CAMSAP1: variants seen among roughly 807,000 people sequenced by gnomAD.
CAMSAP1 encodes calmodulin-regulated spectrin-associated protein 1.
Under a neutral mutation model 143.5 loss-of-function variants are expected in CAMSAP1, and 58 were observed. That is an observed-to-expected ratio of 0.40 (90% CI 0.33 to 0.50). The LOEUF is 0.50. Ranked by LOEUF, CAMSAP1 falls within the 20% of genes least tolerant of loss-of-function variation. The pLI is 0.45. For synonymous variants in CAMSAP1, 945 were observed against 859.3 expected (o/e 1.10, Z -1.74); for missense variants, 1,969 against 2,115.7 (o/e 0.93, Z 1.36).
chr9:135,843,895 A>C (rs1836455708), intron 7 of CAMSAP1, among the ~76,000 whole-genome samples: 1 of 149,298 alleles, frequency 6.7e-6, no homozygotes, highest in Non-Finnish European at 1.5e-5. Context: ...AAAAAAAAAA[A>C]AGAAGCGCTA....
intron 7 of CAMSAP1, chr9:135,836,544 C>T: frequency 1.0e-6 from 1 of 981,280 alleles, no homozygotes; most frequent in Non-Finnish European, 1.2e-6. Context: ...AGTCATGTAC[C>T]TTCTACCCCG....
intron 3 of CAMSAP1, among the ~76,000 whole-genome samples, chr9:135,874,751 A>G (rs1244021262): frequency 6.6e-6 from 1 of 152,196 alleles, no homozygotes; most frequent in Non-Finnish European, 1.5e-5. Context: ...AGACAACATG[A>G]TCTTGTATGT....
chr9:135,822,674 C>T lies in CAMSAP1; in HGVS notation c.1987G>A (p.Asp663Asn), dbSNP rs1023968922. 5 of 1,608,814 alleles carry T rather than the reference C, an allele frequency of 3.1e-6. No individual in the cohort carries two copies. The highest frequency in any genetic ancestry group is 2.2e-5 in the South Asian group (2 of 90,792). The change falls in exon 11 of 17, where the codon GAC becomes AAC. Residue 663 changes from aspartate (D) to asparagine (N), a missense_variant. Asp to Asn is a conservative substitution (Grantham distance 23, BLOSUM62 1). This residue lies in a region of CAMSAP1 where 1,390 missense variants were observed against 1,420.8 expected (regional missense o/e 0.98). Transcript: ENST00000389532. The surrounding 1 kb of genome is among the most constrained non-coding windows in gnomAD (Gnocchi z 6.1). ...IPCSEFPMGI[D>N]PTETGPLSVE... ...GACAGTGGTCCTGTCTCGGTGGGGT[C>T]GATGCCCATGGGGAATTCTGAGCAT...
chr9:135,887,989 G>A (rs1838179143), intron 1 of CAMSAP1, among the ~76,000 whole-genome samples: 1 of 152,226 alleles, frequency 6.6e-6, no homozygotes, highest in South Asian at 2.1e-4. Context: ...ACTCTAACCA[G>A]TCTGCAGTGG....
intron 7 of CAMSAP1, among the ~76,000 whole-genome samples, chr9:135,841,038 G>A (rs1836327664): frequency 6.6e-6 from 1 of 152,138 alleles, no homozygotes; most frequent in Admixed American, 6.5e-5. Flanking sequence ...AGTCAGGGAG[G>A]CAAGTGGTCT....
rs559288269 is a variant in CAMSAP1, at chr9:135,839,982, G to A, written c.1045+10155C>T. ...GCAGCCAGAGGTAGGCAGGTATGGAGACTAAGAGCACAGACTACCACCTGC... is the reference window on the plus strand; with the variant it reads ...GCAGCCAGAGGTAGGCAGGTATGGAAACTAAGAGCACAGACTACCACCTGC... On this transcript the variant is annotated intron_variant, in intron 7 of 16. Transcript: ENST00000389532. Among the ~76,000 whole-genome samples, 13 of 152,328 alleles carry A rather than the reference G, an allele frequency of 8.5e-5. No homozygotes were observed. In the South Asian group the frequency reaches 2.7e-3, roughly 32 times the overall value.
chr9:135,836,289 G>T (rs868809159), intron 7 of CAMSAP1: 1 of 978,912 alleles, frequency 1.0e-6, no homozygotes, highest in African/African-American at 1.8e-5. Flanking sequence ...ACATCACCAC[G>T]TACCTTCTAC....
intron 5 of CAMSAP1, among the ~76,000 whole-genome samples, chr9:135,851,485 G>A (rs753927236): frequency 7.2e-5 from 11 of 152,092 alleles, no homozygotes; most frequent in Non-Finnish European, 1.3e-4. Flanking sequence ...AAATGTTAAC[G>A]TCTTATAGGC....
At chr9:135,861,308 CCT>C (rs1491421182) in intron 5 of CAMSAP1, among the ~76,000 whole-genome samples, 1 of 144,696 alleles carries the variant, frequency 6.9e-6, no homozygotes, top group East Asian at 2.1e-4. Context: ...TCTCCTTCTT[CCT>C]TTTTTTTTTT....
chr9:135,822,370 T>C lies in CAMSAP1; in HGVS notation c.2291A>G (p.Tyr764Cys). 6.2e-7 allele frequency: 1 copy of C among 1,613,990 alleles called. No homozygotes were observed. The highest frequency in any genetic ancestry group is 8.5e-7 in the Non-Finnish European group (1 of 1,179,896). Residue 764 changes from tyrosine (Y) to cysteine (C), a missense_variant, in exon 11 of 17, where the codon TAC becomes TGC. This residue lies in a region of CAMSAP1 where 1,390 missense variants were observed against 1,420.8 expected (regional missense o/e 0.98). Transcript: ENST00000389532. The surrounding 1 kb of genome is among the most constrained non-coding windows in gnomAD (Gnocchi z 6.1). The stretch of plus-strand genomic sequence containing the variant: ...TTTGGCCGACTCTTCCTCCCCAATG[T>C]ATCTGCTGAAAACCACAGGATGGGC... ...GEAHPVVFSR[Y>C]IGEEESAKLQ...
chr9:135,862,028 G>A (rs1227525612), intron 5 of CAMSAP1, among the ~76,000 whole-genome samples: 2 of 152,168 alleles, frequency 1.3e-5, no homozygotes, highest in African/African-American at 2.4e-5. Flanking sequence ...CTCAAACTAA[G>A]TTCTAGGTGA....
At chr9:135,862,391 A>G in intron 5 of CAMSAP1, 76 bp downstream of exon 5, 2 of 1,398,170 alleles carry the variant, frequency 1.4e-6, no homozygotes, top group Admixed American at 2.4e-5. Flanking sequence ...TTTTTAATAT[A>G]TATGTGGATC....
In CAMSAP1 at chr9:135,818,352, T is replaced by G; in HGVS notation, c.4168+56A>C. ...CAAAATTGAAATGAGCTGAAGAACG[T>G]GAGGCCGCCGCCCGCGGAAGGAAGC... On this transcript the variant is annotated intron_variant, in intron 13 of 16. Coordinates refer to ENST00000389532, the MANE Select transcript of CAMSAP1 (RefSeq NM_015447.4). This position sits in a 1 kb window ranked among gnomAD's most constrained non-coding sequence, Gnocchi z 7.7. 1 of 1,497,914 alleles carries G rather than the reference T, an allele frequency of 6.7e-7. No homozygotes were observed. Among genetic ancestry groups the G allele is most frequent in the Non-Finnish European group, 8.9e-7 (1 of 1,120,216 alleles). 92.8% of individuals were successfully genotyped at this position (1,497,914 alleles called of 1,614,324 possible).
rs1286977669 is a variant in CAMSAP1 at position 135,823,121 on chromosome 9, G to T, written c.1540C>A (p.Gln514Lys). The T allele has an allele frequency of 6.2e-7, 1 of 1,613,988 alleles. No individual in the cohort carries two copies. Among genetic ancestry groups the T allele is most frequent in the Admixed American group, 1.7e-5 (1 of 60,028 alleles). ...LASNIVNLTP[Q>K]NQPHPTATKS... ...GTGGCCGTGGGGTGTGGCTGGTTCT[G>T]TGGGGTCAGATTAACAATGTTGGAT... Residue 514 changes from glutamine (Q) to lysine (K), a missense_variant, in exon 11 of 17, where the codon CAG becomes AAG. Physicochemically the swap from Gln to Lys is moderately conservative, Grantham distance 53. This residue lies in a region of CAMSAP1 where 1,390 missense variants were observed against 1,420.8 expected (regional missense o/e 0.98). Coordinates refer to ENST00000389532, the MANE Select transcript of CAMSAP1 (RefSeq NM_015447.4).
rs778542154 is a variant in CAMSAP1, at chr9:135,822,822, A to C, written c.1839T>G (p.Asp613Glu). ...TCCTCGGTCTCCCTTCCCCCCGTTCATCCTCCTTGGTGATCACCTGCTTCT... is the reference window on the plus strand; with the variant it reads ...TCCTCGGTCTCCCTTCCCCCCGTTCCTCCTCCTTGGTGATCACCTGCTTCT... ...AKEKQVITKE[D>E]ERGEGRPRSI... The change falls in exon 11 of 17, where the codon GAT (aspartate) becomes GAG (glutamate). Residue 613 changes from aspartate (D) to glutamate (E), a missense_variant. Transcript: ENST00000389532. This position sits in a 1 kb window ranked among gnomAD's most constrained non-coding sequence, Gnocchi z 6.1. The C allele has an allele frequency of 6.2e-7, 1 of 1,613,722 alleles. No individual in the cohort carries two copies. Among genetic ancestry groups the C allele is most frequent in the South Asian group, 1.1e-5 (1 of 91,080 alleles).
At chr9:135,906,430 A>G (rs1193971775) in intron 1 of CAMSAP1, among the ~76,000 whole-genome samples, 3 of 152,256 alleles carry the variant, frequency 2.0e-5, no homozygotes, top group Non-Finnish European at 4.4e-5. Context: ...ATTAGGGCCT[A>G]ACAAACTGGA....
chr9:135,869,454 G>C (rs1004928913), intron 3 of CAMSAP1, among the ~76,000 whole-genome samples: 1 of 150,924 alleles, frequency 6.6e-6, no homozygotes, highest in Non-Finnish European at 1.5e-5. Flanking sequence ...AGTGAGCCAC[G>C]ACCGCACCAC....
chr9:135,829,539 A>G (rs1481192353), intron 7 of CAMSAP1, among the ~76,000 whole-genome samples: 1 of 152,006 alleles, frequency 6.6e-6, no homozygotes, highest in Non-Finnish European at 1.5e-5. Flanking sequence ...AAAAAAAGGT[A>G]AAAGACAAAA....
At chr9:135,871,036 A>T (rs910161106) in intron 3 of CAMSAP1, among the ~76,000 whole-genome samples, 2 of 152,202 alleles carry the variant, frequency 1.3e-5, no homozygotes, top group Non-Finnish European at 2.9e-5. Flanking sequence ...TTCCAATTAT[A>T]TATCTACATG....
Sources: gnomAD v4.1 joint callset for allele counts (sites outside exome capture counted in the v4.1 genomes callset) on GRCh38, gnomAD v4.1.1 for gene constraint, gnomAD v4.1.1 regional missense constraint, Gnocchi (gnomAD v3.1) non-coding constraint, MANE v1.5 for transcripts, NCBI Gene and HGNC (gene_info 2026-07-23, HGNC 2026-07-21) for gene names.